DHCR24: variants seen among roughly 807,000 people sequenced by gnomAD.
DHCR24 encodes 24-dehydrocholesterol reductase.
In DHCR24, 28 loss-of-function variants were observed where a neutral mutation model predicts 61.2. That is an observed-to-expected ratio of 0.46 (90% confidence interval 0.34 to 0.63). The LOEUF is 0.63. DHCR24 is among the 20% of genes least tolerant of loss of function. DHCR24 has a pLI of 0.01. For synonymous variants in DHCR24, 261 were observed against 275.9 expected, an observed-to-expected ratio of 0.95 and a Z score of 0.54; for missense variants, 538 against 679.1, an observed-to-expected ratio of 0.79 and a Z score of 2.31.
intron 7 of DHCR24, 66 bp downstream of exon 7, chr1:54,853,971 A>G: frequency 4.0e-6 from 6 of 1,491,592 alleles, no homozygotes; most frequent in Non-Finnish European, 5.5e-6. Flanking sequence ...CACACGGTTC[A>G]GGGGAGGAGA....
Position 54,850,855 on chromosome 1 carries a change from C to T in DHCR24, c.*1378G>A, listed in dbSNP as rs1357055153. 1 of 152,204 alleles carries T rather than the reference C, an allele frequency of 6.6e-6. No individual in the cohort carries two copies. The highest frequency in any genetic ancestry group is 1.9e-4 in the East Asian group (1 of 5,198). The allele number at this position is 152,204 out of a possible 1,614,324, so 9.4% of individuals were successfully genotyped here. A position where few individuals can be genotyped will look rare whatever the true frequency, so the allele number is the denominator to read the frequency against. On this transcript the variant is annotated 3_prime_UTR_variant, in exon 9 of 9. Transcript: ENST00000371269. ...GCAGCTCAGAGGACAATGACTTGCCCACGTTGCACAGCTCGCTGACAGTAG... is the reference window on the plus strand; with the variant it reads ...GCAGCTCAGAGGACAATGACTTGCCTACGTTGCACAGCTCGCTGACAGTAG...
chr1:54,855,265 G>A (rs1341850320), intron 6 of DHCR24, among the ~76,000 whole-genome samples: 1 of 152,056 alleles, frequency 6.6e-6, no homozygotes, highest in Non-Finnish European at 1.5e-5. Flanking sequence ...ATGGTGGCGG[G>A]CGCCTGTAGT....
Position 54,886,956 on chromosome 1 carries a change from C to T in DHCR24, c.164G>A (p.Trp55Ter). The change falls in exon 1 of 9, where the codon TGG (tryptophan) becomes TAG (stop). Residue 55 changes from tryptophan to a stop codon, truncating the protein, a stop_gained. Coordinates refer to ENST00000371269, the MANE Select transcript of DHCR24 (RefSeq NM_014762.4). LOFTEE classifies it high-confidence loss of function. ...AGCGCTGCTGAGCTTGAACACCACC[C>T]AGGCGCGCACGTAGTAGTAGATATC... ...IFDIYYYVRA[W>*]VVFKLSSAPR... 1 of 1,613,710 alleles carries T rather than the reference C, an allele frequency of 6.2e-7. No homozygotes were observed. Among genetic ancestry groups the T allele is most frequent in the Admixed American group, 1.7e-5 (1 of 60,020 alleles).
intron 5 of DHCR24, among the ~76,000 whole-genome samples, chr1:54,867,710 G>A (rs1646974853): frequency 6.6e-6 from 1 of 152,110 alleles, no homozygotes; most frequent in African/African-American, 2.4e-5. Flanking sequence ...GAACACCTCA[G>A]AGCAGCTGGA....
Position 54,875,976 on chromosome 1 carries a change from G to C in DHCR24, c.459C>G (p.Leu153=). The C allele has an allele frequency of 6.2e-7, 1 of 1,614,002 alleles. No individual in the cohort carries two copies. The change falls in exon 3 of 9, where the codon CTC becomes CTG. Residue 153 remains leucine (L), a synonymous_variant. Coordinates refer to ENST00000371269, the MANE Select transcript of DHCR24 (RefSeq NM_014762.4). The part of the protein sequence containing the change: ...TALLTSIGWT[L]PVLPELDDLT... ...GGTCATCAAGCTCAGGCAACACGGG[G>C]AGAGTCCAGCCAATGGAGGTCAGCA...
intron 6 of DHCR24, among the ~76,000 whole-genome samples, chr1:54,857,195 G>A (rs115721876): frequency 0.029 from 4,395 of 152,334 alleles, 113 homozygotes; most frequent in Middle Eastern, 0.055. Flanking sequence ...AGTGACCTGG[G>A]ATGTCAGGGT....
rs745803804 is a variant in DHCR24, at chr1:54,865,285, C to T, written c.1020+18G>A. On this transcript the variant is annotated intron_variant, in intron 6 of 8. Coordinates refer to ENST00000371269, the MANE Select transcript of DHCR24 (RefSeq NM_014762.4). ...AGCTGGCCTGGAGGAGCCAGGGCTACAGAAACCTAAGCCTCACCTGGAGCT... is the reference window on the plus strand; with the variant it reads ...AGCTGGCCTGGAGGAGCCAGGGCTATAGAAACCTAAGCCTCACCTGGAGCT... 23 of 1,609,720 alleles carry T rather than the reference C, an allele frequency of 1.4e-5. No homozygotes were observed. The highest frequency in any genetic ancestry group is 4.4e-5 in the South Asian group (4 of 90,478).
intron 6 of DHCR24, among the ~76,000 whole-genome samples, chr1:54,857,850 A>G (rs1202409623): frequency 6.6e-6 from 1 of 152,158 alleles, no homozygotes; most frequent in African/African-American, 2.4e-5. Flanking sequence ...TGATTGACCA[A>G]GCTGGGGGAA....
chr1:54,855,035 G>C (rs1646899065), intron 6 of DHCR24, among the ~76,000 whole-genome samples: 1 of 152,122 alleles, frequency 6.6e-6, no homozygotes, highest in Admixed American at 6.5e-5. Flanking sequence ...AGGGTCCCCA[G>C]TGTCCACTGA....
intron 2 of DHCR24, among the ~76,000 whole-genome samples, chr1:54,879,220 G>C (rs1647051369): frequency 6.6e-6 from 1 of 151,284 alleles, no homozygotes; most frequent in Non-Finnish European, 1.5e-5. Context: ...TCGGGAGGCT[G>C]TGACAGGAGA....
At chr1:54,866,679 C>T (rs1646970029) in intron 5 of DHCR24, among the ~76,000 whole-genome samples, 1 of 152,156 alleles carries the variant, frequency 6.6e-6, no homozygotes, top group Admixed American at 6.5e-5. Flanking sequence ...ACCCTACAGC[C>T]AGGCAACCCT....
intron 2 of DHCR24, among the ~76,000 whole-genome samples, chr1:54,879,322 GAA>G (rs58945175): frequency 9.2e-6 from 1 of 108,502 alleles, no homozygotes; most frequent in East Asian, 2.6e-4. Context: ...GACTCCATCT[GAA>G]AAAAAAAAAA....
Position 54,853,462 on chromosome 1 carries a change from G to T in DHCR24, c.1369C>A (p.Leu457Met), listed in dbSNP as rs748648802. ...HFEARSCMRQ[L>M]EKFVRSVHGF... ...TGCACGCTGCGGACAAACTTCTCCA[G>T]CTGCCTCATGCAGGACCTGGCTTCA... Residue 457 changes from leucine (L) to methionine (M), a missense_variant, in exon 8 of 9, where the codon CTG (leucine) becomes ATG (methionine). Coordinates refer to ENST00000371269, the MANE Select transcript of DHCR24 (RefSeq NM_014762.4). 1.6e-5 allele frequency: 26 copies of T among 1,614,102 alleles called. No homozygotes were observed. In the Admixed American group the frequency reaches 3.3e-4, roughly 21 times the overall value.
At chr1:54,852,850 T>C (rs1293842908) in intron 8 of DHCR24, among the ~76,000 whole-genome samples, 7 of 152,172 alleles carry the variant, frequency 4.6e-5, no homozygotes, top group Non-Finnish European at 7.4e-5. Context: ...CCATGCCCCT[T>C]AGTTATCCGT....
Position 54,883,853 on chromosome 1 carries a change from G to C in DHCR24, c.232-80C>G. On this transcript the variant is annotated intron_variant, in intron 1 of 8. Transcript: ENST00000371269. This position sits in a 1 kb window ranked among gnomAD's most constrained non-coding sequence, Gnocchi z 4.3. ...CTGCAGCCCTGCTTTCTTCAAGGGC[G>C]AGCTGGGAATGATGCCTCCATCAGG... is the stretch of plus-strand genomic sequence containing the variant. 1 of 1,584,286 alleles carries C rather than the reference G, an allele frequency of 6.3e-7. No individual in the cohort carries two copies. The highest frequency in any genetic ancestry group is 1.7e-5 in the Admixed American group (1 of 59,824).
rs1354734436 is a variant in DHCR24 at position 54,850,460 on chromosome 1, G to T, written c.*1773C>A. ...GCCAAATGGGTAGGGTGGTTCCTTT[G>T]CCTTCTGAGTGCCTGGATGCCCCCA... On this transcript the variant is annotated 3_prime_UTR_variant, in exon 9 of 9. Coordinates refer to ENST00000371269, the MANE Select transcript of DHCR24 (RefSeq NM_014762.4). The T allele has an allele frequency of 6.6e-6, 1 of 152,214 alleles. No homozygotes were observed. The highest frequency in any genetic ancestry group is 1.5e-5 in the Non-Finnish European group (1 of 68,064). 9.4% of individuals were successfully genotyped at this position (152,214 alleles called of 1,614,324 possible). A position where few individuals can be genotyped will look rare whatever the true frequency, so the allele number is the denominator to read the frequency against.
chr1:54,886,654 A>T, intron 1 of DHCR24: 1 of 1,464,376 alleles, frequency 6.8e-7, no homozygotes. Context: ...CCCCTTCTTC[A>T]TCTCCCTCCA....
At chr1:54,872,795 GC>G (rs1170515059) in intron 4 of DHCR24, among the ~76,000 whole-genome samples, 9 of 152,184 alleles carry the variant, frequency 5.9e-5, no homozygotes, top group African/African-American at 2.2e-4. Context: ...AAAAGACAGG[GC>G]CCCGCAAGCG....
chr1:54,856,358 G>A (rs1230885565), intron 6 of DHCR24, among the ~76,000 whole-genome samples: 1 of 152,208 alleles, frequency 6.6e-6, no homozygotes, highest in Non-Finnish European at 1.5e-5. Context: ...AGCGCTTTGG[G>A]AGGCTGAGCG....
Sources: gnomAD v4.1 joint callset for allele counts (sites outside exome capture counted in the v4.1 genomes callset) on GRCh38, gnomAD v4.1.1 for gene constraint, Gnocchi (gnomAD v3.1) non-coding constraint, MANE v1.5 for transcripts, NCBI Gene and HGNC (gene_info 2026-07-23, HGNC 2026-07-21) for gene names.